PDE11A: variants seen among roughly 807,000 people sequenced by gnomAD.
PDE11A encodes phosphodiesterase 11A.
A neutral mutation model predicts 100.5 loss-of-function variants in PDE11A; 100 were observed. The ratio of observed to expected loss-of-function variants is 1.00; its 90% confidence interval spans 0.85 to 1.18. The LOEUF (loss-of-function observed/expected upper bound fraction) is 1.18. PDE11A is among the 50% of genes most tolerant of loss of function. The probability of loss-of-function intolerance (pLI) is 0.00; values close to 1 mark genes in which losing one functional copy is unlikely to be tolerated. For synonymous variants in PDE11A, 381 were observed against 420.8 expected (o/e 0.91, Z 1.16); for missense variants, 1,141 against 1,152.6 (o/e 0.99, Z 0.15).
chr2:177,881,333 ATCTATCTG>A (rs1224905034), intron 4 of PDE11A, among the ~76,000 whole-genome samples: 1 of 137,912 alleles, frequency 7.3e-6, no homozygotes, highest in Non-Finnish European at 1.6e-5. Flanking sequence ...TCTATCTATC[ATCTATCTG>A]TCTATCTATC....
chr2:177,911,349 C>G (rs1347126722), intron 2 of PDE11A, among the ~76,000 whole-genome samples: 1 of 152,082 alleles, frequency 6.6e-6, no homozygotes, highest in East Asian at 1.9e-4. Flanking sequence ...TCCAGAGATT[C>G]CAGAGGAAAG....
At chr2:177,723,623 A>G (rs1244721973) in intron 12 of PDE11A, among the ~76,000 whole-genome samples, 1 of 152,162 alleles carries the variant, frequency 6.6e-6, no homozygotes, top group African/African-American at 2.4e-5. Context: ...TTAACTGGAC[A>G]CTGAGCAACA....
chr2:178,062,401 A>T (rs1481547587), intron 1 of PDE11A, among the ~76,000 whole-genome samples: 2 of 151,894 alleles, frequency 1.3e-5, no homozygotes, highest in Non-Finnish European at 2.9e-5. Context: ...GCACCCTCTC[A>T]CTTAGTGGTT....
intron 10 of PDE11A, among the ~76,000 whole-genome samples, chr2:177,766,985 G>A (rs1426622089): frequency 1.3e-5 from 2 of 151,942 alleles, no homozygotes; most frequent in Non-Finnish European, 2.9e-5. Flanking sequence ...CAAATTCCAG[G>A]ACAATGTTTT....
intron 7 of PDE11A, 108 bp from the exon 8 acceptor site, chr2:177,818,033 G>C (rs1187437590): frequency 1.4e-6 from 1 of 702,420 alleles, no homozygotes; most frequent in Admixed American, 2.0e-5. Flanking sequence ...ACTGCACTCA[G>C]TTTAAACTCT....
intron 2 of PDE11A, among the ~76,000 whole-genome samples, chr2:177,936,292 G>A (rs978101118): frequency 1.3e-5 from 2 of 152,160 alleles, no homozygotes; most frequent in Non-Finnish European, 2.9e-5. Context: ...GAACTTGGCT[G>A]TATTTTGGTA....
chr2:177,895,595 T>C (rs10197329), intron 4 of PDE11A, among the ~76,000 whole-genome samples: 13,924 of 151,880 alleles, frequency 0.092, 880 homozygotes, highest in African/African-American at 0.18. Context: ...AAGAATAACA[T>C]TTTGTAATTT....
intron 18 of PDE11A, among the ~76,000 whole-genome samples, chr2:177,666,543 A>G (rs2080587081): frequency 6.6e-6 from 1 of 152,214 alleles, no homozygotes. Flanking sequence ...ATTTTTCCAC[A>G]GCCTCACCCA....
chr2:177,905,606 C>CATATGGCATATACCATATGT lies in PDE11A; in HGVS notation c.1072-439_1072-420dup, dbSNP rs376195802. Among the ~76,000 whole-genome samples, 54 of 152,354 alleles carry CATATGGCATATACCATATGT rather than the reference C, an allele frequency of 3.5e-4. 1 individual carries two copies. In the East Asian group the frequency reaches 7.3e-3, roughly 21 times the overall value. On this transcript the variant is annotated intron_variant, in intron 2 of 19. Transcript: ENST00000286063. ...GGATATAAGTCAATTCTTTCGTTGGCATATGGCATATACCATATGTATATG... is the reference window on the plus strand; with the variant it reads ...GGATATAAGTCAATTCTTTCGTTGGCATATGGCATATACCATATGTATATGGCATATACCATATGTATATG...
At position 177,965,227 on chromosome 2, in the gene PDE11A, G is replaced by A. The variant is rs141019405; in HGVS notation, c.1071+49075C>T. On this transcript the variant is annotated intron_variant, in intron 2 of 19. Coordinates refer to ENST00000286063, the MANE Select transcript of PDE11A (RefSeq NM_016953.4). ...TTTTTAATGGCATTGTTTGCTTTTT[G>A]CTTGCTAATTTGTTTAAGTTCCTTA... Among the ~76,000 whole-genome samples the A allele has an allele frequency of 3.9e-5, 6 of 152,048 alleles. No individual in the cohort carries two copies. The East Asian group carries it at 1.2e-3, about 29-fold the overall frequency.
chr2:178,095,465 G>A (rs543826844), intron 2 of PDE11A, among the ~76,000 whole-genome samples: 165 of 152,324 alleles, frequency 1.1e-3, no homozygotes, highest in African/African-American at 3.8e-3. Context: ...GGCTTTGCAG[G>A]GTACAGCCCT....
chr2:178,054,183 G>T (rs2105860066), intron 1 of PDE11A, among the ~76,000 whole-genome samples: 1 of 152,212 alleles, frequency 6.6e-6, no homozygotes, highest in African/African-American at 2.4e-5. Context: ...AGAGCCCTCA[G>T]AATAATACCA....
At chr2:177,867,201 A>T (rs1318556494) in intron 5 of PDE11A, among the ~76,000 whole-genome samples, 2 of 152,248 alleles carry the variant, frequency 1.3e-5, no homozygotes, top group Non-Finnish European at 2.9e-5. Context: ...AAGTTGGCAC[A>T]GTCAGAATTT....
chr2:177,967,278 C>T (rs2085711639), intron 2 of PDE11A, among the ~76,000 whole-genome samples: 1 of 150,500 alleles, frequency 6.6e-6, no homozygotes, highest in South Asian at 2.1e-4. Context: ...CTCACTGCAA[C>T]CTTCGCCTCC....
rs1300855528 is a variant in PDE11A at position 177,849,800 on chromosome 2, C to A, written c.1368-9417G>T. Among the ~76,000 whole-genome samples, 933 of 127,814 alleles carry A rather than the reference C, an allele frequency of 7.3e-3. 9 individuals carry two copies. Among genetic ancestry groups the A allele is most frequent in the African/African-American group, 0.025 (853 of 34,766 alleles). The allele number at this position is 127,814 out of a possible 152,430, so 83.9% of individuals were successfully genotyped here. On this transcript the variant is annotated intron_variant, in intron 5 of 19. Transcript: ENST00000286063. ...GCGAGACTCCATCTCAAAAAAAAAA[C>A]AAAAAAACCTAGGAATCCAACTTAC... is the stretch of plus-strand genomic sequence containing the variant.
intron 2 of PDE11A, among the ~76,000 whole-genome samples, chr2:178,081,982 G>A (rs1369517): frequency 0.19 from 29,070 of 152,136 alleles, 2,804 homozygotes; most frequent in South Asian, 0.22. Context: ...TGGGAGCAGT[G>A]CTATCTGTCA....
chr2:177,909,175 T>A (rs2084838344), intron 2 of PDE11A, among the ~76,000 whole-genome samples: 1 of 152,174 alleles, frequency 6.6e-6, no homozygotes, highest in African/African-American at 2.4e-5. Context: ...ATTCTTATCC[T>A]TTAGTGGAGA....
At chr2:177,931,174 AAAACAAAC>A (rs143043862) in intron 2 of PDE11A, among the ~76,000 whole-genome samples, 3 of 151,588 alleles carry the variant, frequency 2.0e-5, no homozygotes, top group Admixed American at 6.6e-5. Context: ...AAAACAAAAC[AAAACAAAC>A]AAACAAACAA....
intron 2 of PDE11A, among the ~76,000 whole-genome samples, chr2:177,978,885 A>G (rs2085839345): frequency 9.4e-6 from 1 of 106,590 alleles, no homozygotes; most frequent in African/African-American, 3.7e-5. Context: ...ATGAGATCAC[A>G]TGGACACAGG....
Sources: gnomAD v4.1 joint callset for allele counts (sites outside exome capture counted in the v4.1 genomes callset) on GRCh38, gnomAD v4.1.1 for gene constraint, MANE v1.5 for transcripts, NCBI Gene and HGNC (gene_info 2026-07-23, HGNC 2026-07-21) for gene names.